The following AFF3 variants were observed in gnomAD, a reference collection of about 807,000 sequenced individuals.
The protein encoded by AFF3 is ALF transcription elongation factor 3, also known as AF4/FMR2 family member 3.
AFF3 carries 32 observed loss-of-function variants against 129.7 expected under a neutral mutation model. The observed-to-expected ratio is 0.25, with a 90% CI of 0.19 to 0.33. The LOEUF is 0.33. Among genes scored for constraint, AFF3 ranks in the 10% least tolerant of loss-of-function variants. AFF3 has a pLI of 1.00. For missense variants in AFF3, 1,373 were observed against 1,592.0 expected (o/e 0.86, Z 2.34); for synonymous variants, 644 against 635.4 (o/e 1.01, Z -0.20).
intron 11 of AFF3, among the ~76,000 whole-genome samples, chr2:99,718,248 A>G (rs34116173): frequency 0.85 from 129,979 of 152,214 alleles, 55,620 homozygotes; most frequent in East Asian, 0.92. Flanking sequence ...CTATAGATCA[A>G]GATGAGAAAA....
At chr2:100,075,376 G>C (rs1391837972) in intron 4 of AFF3, among the ~76,000 whole-genome samples, 2 of 151,930 alleles carry the variant, frequency 1.3e-5, no homozygotes, top group Non-Finnish European at 2.9e-5. Context: ...CTCTAGTGAG[G>C]GGGCATTTCT....
intron 7 of AFF3, among the ~76,000 whole-genome samples, chr2:99,867,591 A>AAC (rs1691521630): frequency 1.3e-5 from 2 of 151,486 alleles, no homozygotes; most frequent in Non-Finnish European, 1.5e-5. Context: ...AAAAAAAAAA[A>AAC]AACATAGCTG....
chr2:99,868,054 T>C (rs573675082), intron 7 of AFF3, among the ~76,000 whole-genome samples: 1 of 150,780 alleles, frequency 6.6e-6, no homozygotes, highest in Non-Finnish European at 1.5e-5. Flanking sequence ...CGGCAGCTCG[T>C]GTACTTGAAG....
chr2:99,905,913 T>C (rs1694684375), intron 7 of AFF3, among the ~76,000 whole-genome samples: 1 of 151,598 alleles, frequency 6.6e-6, no homozygotes, highest in African/African-American at 2.4e-5. Context: ...TCCCATTCAA[T>C]GTTTTTTTTT....
At chr2:100,009,315 A>G (rs1388672087) in intron 4 of AFF3, among the ~76,000 whole-genome samples, 2 of 150,530 alleles carry the variant, frequency 1.3e-5, no homozygotes, top group Non-Finnish European at 2.9e-5. Context: ...TTATATGGGA[A>G]TGCTCCTGTT....
intron 8 of AFF3, among the ~76,000 whole-genome samples, chr2:99,818,861 T>C (rs549152301): frequency 6.6e-6 from 1 of 152,338 alleles, no homozygotes; most frequent in South Asian, 2.1e-4. Context: ...TGGGCATACT[T>C]AGTATAGCCA....
At chr2:99,622,571 G>C (rs1323376191) in intron 13 of AFF3, among the ~76,000 whole-genome samples, 1 of 152,152 alleles carries the variant, frequency 6.6e-6, no homozygotes, top group African/African-American at 2.4e-5. Flanking sequence ...TGAGTTCTGC[G>C]ACTCCCAGCT....
chr2:99,566,252 G>GTT (rs61010874), intron 19 of AFF3, among the ~76,000 whole-genome samples: 25 of 138,196 alleles, frequency 1.8e-4, no homozygotes, highest in African/African-American at 6.3e-4. Flanking sequence ...GGCCTCAATT[G>GTT]TTTTTTTTTT....
chr2:99,697,540 C>A (rs926806811), intron 11 of AFF3, among the ~76,000 whole-genome samples: 2 of 152,234 alleles, frequency 1.3e-5, no homozygotes, highest in Non-Finnish European at 2.9e-5. Context: ...TCTGGACATA[C>A]CTCTACTGTT....
At chr2:99,578,256 C>T in intron 18 of AFF3, 71 bp downstream of exon 18, 1 of 1,490,652 alleles carries the variant, frequency 6.7e-7, no homozygotes. Flanking sequence ...CCAAGGTGCC[C>T]ATGCCCCTTC....
chr2:100,033,129 T>C (rs1384177938), intron 4 of AFF3, among the ~76,000 whole-genome samples: 2 of 152,194 alleles, frequency 1.3e-5, no homozygotes, highest in Admixed American at 1.3e-4. Flanking sequence ...ATACCCATAT[T>C]TCCTTCCTTG....
At chr2:99,767,341 T>C (rs922352430) in intron 8 of AFF3, among the ~76,000 whole-genome samples, 5 of 152,184 alleles carry the variant, frequency 3.3e-5, no homozygotes, top group Admixed American at 2.6e-4. Flanking sequence ...AGAAGAAGCA[T>C]GAGAAGGGCA....
intron 1 of AFF3, among the ~76,000 whole-genome samples, chr2:100,137,420 C>G (rs1692679942): frequency 6.6e-6 from 1 of 152,202 alleles, no homozygotes; most frequent in Non-Finnish European, 1.5e-5. Context: ...ACAGGGACAG[C>G]CCAGGCAAAG....
chr2:99,888,451 C>T (rs1374769025), intron 7 of AFF3, among the ~76,000 whole-genome samples: 2 of 152,344 alleles, frequency 1.3e-5, no homozygotes, highest in Non-Finnish European at 2.9e-5. Flanking sequence ...TTCACAGCTA[C>T]AATACTAGAA....
chr2:99,859,397 C>T (rs554156023), intron 7 of AFF3, among the ~76,000 whole-genome samples: 3 of 152,314 alleles, frequency 2.0e-5, no homozygotes, highest in African/African-American at 7.2e-5. Flanking sequence ...GCTGGGCCCA[C>T]TCCAGACCTA....
At chr2:99,606,973 C>T (rs1404247009) in intron 13 of AFF3, among the ~76,000 whole-genome samples, 1 of 150,362 alleles carries the variant, frequency 6.7e-6, no homozygotes, top group Non-Finnish European at 1.5e-5. Context: ...CAGACTTCTT[C>T]CCTTCTGAGA....
intron 8 of AFF3, among the ~76,000 whole-genome samples, chr2:99,835,803 T>C (rs1436994843): frequency 6.6e-6 from 1 of 152,174 alleles, no homozygotes; most frequent in Admixed American, 6.5e-5. Context: ...CACAAATCTG[T>C]GATCCGGTGG....
intron 7 of AFF3, among the ~76,000 whole-genome samples, chr2:99,868,517 T>A (rs1691614403): frequency 6.6e-6 from 1 of 152,064 alleles, no homozygotes; most frequent in Non-Finnish European, 1.5e-5. Context: ...TCTTTTATCT[T>A]GCTATAAAAG....
chr2:99,606,915 CAAAAAAAAAAAA>C (rs10680840), intron 13 of AFF3, among the ~76,000 whole-genome samples: 1 of 62,188 alleles, frequency 1.6e-5, no homozygotes, highest in East Asian at 5.9e-4. Flanking sequence ...CTCCGTCTCA[CAAAAAAAAAAAA>C]AAAAAAAAAA....
Sources: allele counts gnomAD v4.1 joint callset (sites outside exome capture counted in the v4.1 genomes callset), GRCh38; gene constraint gnomAD v4.1.1; transcripts MANE v1.5; gene names NCBI Gene and HGNC (gene_info 2026-07-23, HGNC 2026-07-21).